Variants in C4orf51 observed in about 807,000 individuals in gnomAD.
C4orf51 encodes chromosome 4 open reading frame 51, also known as uncharacterized protein C4orf51.
A neutral mutation model predicts 25.2 loss-of-function variants in C4orf51; 25 were observed. The ratio of observed to expected loss-of-function variants is 0.99; its 90% CI spans 0.72 to 1.39. The LOEUF (loss-of-function observed/expected upper bound fraction) is 1.39, where lower values mean the gene tolerates loss of function less well. Ranked by LOEUF, C4orf51 falls within the 40% of genes most tolerant of loss-of-function variation. C4orf51 has a pLI of 0.00. For synonymous variants in C4orf51, 100 were observed against 84.5 expected, an observed-to-expected ratio of 1.18 and a Z score of -1.01; for missense variants, 252 against 239.6, an observed-to-expected ratio of 1.05 and a Z score of -0.34.
At chr4:145,760,055 C>T (rs971916364) in intron 1 of C4orf51, 15 of 152,230 alleles carry the variant, frequency 9.9e-5, no homozygotes, top group African/African-American at 1.9e-4. Context: ...CTTGATTCCT[C>T]GCCTCTTCAT....
chr4:145,691,357 A>T (rs1211947872), intron 1 of C4orf51, among the ~76,000 whole-genome samples: 3 of 152,240 alleles, frequency 2.0e-5, no homozygotes. Context: ...AATGTAAATT[A>T]GTTCAGCTCC....
intron 1 of C4orf51, among the ~76,000 whole-genome samples, chr4:145,770,666 C>T (rs1395972922): frequency 6.6e-6 from 1 of 151,898 alleles, no homozygotes; most frequent in Non-Finnish European, 1.5e-5. Flanking sequence ...ACAGAGTTGG[C>T]TCTCAAAAAA....
chr4:145,732,606 TAAAC>T lies in C4orf51; in HGVS notation c.*49_*52del. On this transcript the variant is annotated 3_prime_UTR_variant, in exon 6 of 6. Coordinates refer to ENST00000438731, the MANE Select transcript of C4orf51 (RefSeq NM_001080531.3). Reference sequence around the variant, plus strand: ...GGCTGGAGGCGTGGAGTTTGCTTAATAAACAACTTTGAGGTATGGGGCCCTCCCA... The same window carrying T: ...GGCTGGAGGCGTGGAGTTTGCTTAATAACTTTGAGGTATGGGGCCCTCCCA... 1 of 1,403,212 alleles carries T rather than the reference TAAAC, an allele frequency of 7.1e-7. No individual in the cohort carries two copies. Among genetic ancestry groups the T allele is most frequent in the East Asian group, 2.4e-5 (1 of 42,418 alleles). 86.9% of individuals were successfully genotyped at this position (1,403,212 alleles called of 1,614,324 possible).
intron 2 of C4orf51, among the ~76,000 whole-genome samples, chr4:145,719,477 C>T (rs1197831403): frequency 2.6e-5 from 4 of 151,336 alleles, no homozygotes; most frequent in South Asian, 2.1e-4. Context: ...TGGTTGCGGG[C>T]GCCTATAGTC....
downstream of C4orf51, chr4:145,775,908 T>G: frequency 6.2e-7 from 1 of 1,614,226 alleles, no homozygotes; most frequent in South Asian, 1.1e-5. Flanking sequence ...GGTTCAGATT[T>G]GCACGGCACT....
chr4:145,788,373 T>C, the C4orf51 span, among the ~76,000 whole-genome samples: 3 of 152,210 alleles, frequency 2.0e-5, no homozygotes, highest in South Asian at 2.1e-4. Context: ...TTGAGCACCA[T>C]AGGGACCTTC....
At chr4:145,733,549 C>T (rs1339936251), downstream of C4orf51, among the ~76,000 whole-genome samples, 3 of 152,218 alleles carry the variant, frequency 2.0e-5, no homozygotes, top group South Asian at 2.1e-4. Flanking sequence ...CTCTCTGCTC[C>T]CCACACCCCC....
chr4:145,767,371 G>C (rs559346724), intron 1 of C4orf51, among the ~76,000 whole-genome samples: 1 of 152,252 alleles, frequency 6.6e-6, no homozygotes, highest in East Asian at 1.9e-4. Context: ...AATGAAAAGA[G>C]CATCAGTGAA....
chr4:145,790,342 C>G, the C4orf51 span, among the ~76,000 whole-genome samples: 1 of 152,022 alleles, frequency 6.6e-6, no homozygotes, highest in African/African-American at 2.4e-5. Flanking sequence ...AAGGAATAAA[C>G]TAAATGAAAA....
downstream of C4orf51, among the ~76,000 whole-genome samples, chr4:145,757,134 G>C (rs547118667): frequency 6.6e-6 from 1 of 152,184 alleles, no homozygotes; most frequent in East Asian, 1.9e-4. Context: ...TCTTTCTCTG[G>C]TACCTTCCCT....
At chr4:145,706,796 C>T (rs182308497) in intron 2 of C4orf51, among the ~76,000 whole-genome samples, 2 of 147,720 alleles carry the variant, frequency 1.4e-5, no homozygotes, top group Non-Finnish European at 3.0e-5. Flanking sequence ...TTCCCACCAC[C>T]ATGCCCGGCT....
At chr4:145,700,350 T>C (rs182850087) in intron 2 of C4orf51, among the ~76,000 whole-genome samples, 224 of 152,176 alleles carry the variant, frequency 1.5e-3, no homozygotes, top group African/African-American at 4.8e-3. Flanking sequence ...CTCTACACTC[T>C]CTTTTCTCTA....
intron 2 of C4orf51, 65 bp downstream of exon 2, chr4:145,696,697 GTT>G: frequency 1.6e-6 from 2 of 1,283,318 alleles, no homozygotes; most frequent in Middle Eastern, 1.9e-4. Flanking sequence ...TTTCTTTCAG[GTT>G]CTTTTTTTTT....
chr4:145,720,923 A>G (rs1375059324), intron 2 of C4orf51, among the ~76,000 whole-genome samples: 1 of 152,196 alleles, frequency 6.6e-6, no homozygotes, highest in East Asian at 1.9e-4. Context: ...GATGACTGAA[A>G]ACAAGCCTCA....
At position 145,749,071 on chromosome 4, in the gene C4orf51, A is replaced by ATATT. The variant is rs1277556315; in HGVS notation, n.168-5133_168-5132insTTAT. Among the ~76,000 whole-genome samples the ATATT allele has an allele frequency of 1.9e-3, 275 of 148,294 alleles. 1 individual carries two copies. The highest frequency in any genetic ancestry group is 7.1e-3 in the Middle Eastern group (2 of 280). On this transcript the variant is annotated intron_variant and non_coding_transcript_variant, in intron 1 of 1. Coordinates refer to the C4orf51 transcript ENST00000508981. ...CTCCAATGTGTGTGTGTGTGTATAT[A>ATATT]TATATATATATATATGTATATATAT...
intron 2 of C4orf51, among the ~76,000 whole-genome samples, chr4:145,704,240 G>T (rs1039899543): frequency 4.6e-5 from 7 of 152,082 alleles, no homozygotes; most frequent in Non-Finnish European, 8.8e-5. Context: ...AGTATTGGAG[G>T]AAAAAGTTTT....
intron 3 of C4orf51, among the ~76,000 whole-genome samples, chr4:145,728,219 T>G (rs1732223768): frequency 6.6e-6 from 1 of 151,424 alleles, no homozygotes; most frequent in Non-Finnish European, 1.5e-5. Flanking sequence ...GTACACTTAT[T>G]TTACAAATGG....
intron 1 of C4orf51, among the ~76,000 whole-genome samples, chr4:145,694,239 T>C (rs1578935196): frequency 7.9e-6 from 1 of 127,002 alleles, no homozygotes; most frequent in Non-Finnish European, 1.7e-5. Flanking sequence ...CCTCACTTCC[T>C]AGATGGGATG....
intron 2 of C4orf51, among the ~76,000 whole-genome samples, chr4:145,709,455 A>G (rs954965535): frequency 1.3e-5 from 2 of 152,236 alleles, no homozygotes; most frequent in Non-Finnish European, 2.9e-5. Context: ...GGGTAAAAAC[A>G]AGTATAAATC....
Sources: allele counts gnomAD v4.1 joint callset (sites outside exome capture counted in the v4.1 genomes callset), GRCh38; gene constraint gnomAD v4.1.1; transcripts MANE v1.5; gene names NCBI Gene and HGNC (gene_info 2026-07-23, HGNC 2026-07-21).